The following ALMS1 variants were observed in gnomAD, a reference collection of about 807,000 sequenced individuals.
The protein encoded by ALMS1 is ALMS1 centrosome and basal body associated protein.
In ALMS1, 271 loss-of-function variants were observed where a neutral mutation model predicts 352.2. That is an observed-to-expected ratio of 0.77 (90% CI 0.70 to 0.85). The LOEUF (loss-of-function observed/expected upper bound fraction) is 0.85. ALMS1 is among the 40% of genes least tolerant of loss of function. The pLI is 0.00. For synonymous variants in ALMS1, 1,865 were observed against 1,761.2 expected (o/e 1.06, Z -1.48); for missense variants, 5,445 against 4,870.7 (o/e 1.12, Z -3.51).
chr2:73,580,003 A>G (rs1008462617), intron 16 of ALMS1, among the ~76,000 whole-genome samples: 11 of 152,096 alleles, frequency 7.2e-5, no homozygotes, highest in Admixed American at 6.6e-5. Flanking sequence ...TGGGATTCCT[A>G]ATATGCATCT....
chr2:73,401,820 C>G (rs903370720), intron 1 of ALMS1, among the ~76,000 whole-genome samples: 6 of 152,038 alleles, frequency 3.9e-5, no homozygotes, highest in African/African-American at 1.5e-4. Context: ...ACTTTGAATC[C>G]TCTGACCTGC....
At chr2:73,385,780 G>C (rs1489450314), upstream of ALMS1, 15 of 618,500 alleles carry the variant, frequency 2.4e-5, no homozygotes, top group Middle Eastern at 4.2e-4. Context: ...CTGCGCCTAA[G>C]CTGGGCCACA....
In ALMS1 at chr2:73,529,272, G is replaced by A. The variant is rs566542255; in HGVS notation, c.9782-5552G>A. On this transcript the variant is annotated intron_variant, in intron 11 of 22. Transcript: ENST00000613296. Reference sequence around the variant, plus strand: ...TTGGCCAAGCTGGTCTTGAACTCCCGACCTCAGGTGATCTGCCCACCTCGG... The same window carrying A: ...TTGGCCAAGCTGGTCTTGAACTCCCAACCTCAGGTGATCTGCCCACCTCGG... 3.9e-5 allele frequency among the ~76,000 whole-genome samples: 6 copies of A among 152,164 alleles called. No individual in the cohort carries two copies. The South Asian group carries it at 1.2e-3, about 32-fold the overall frequency.
At position 73,590,676 on chromosome 2, in the gene ALMS1, A is replaced by G. The variant is rs943587298; in HGVS notation, c.11548-8725A>G. Among the ~76,000 whole-genome samples the G allele has an allele frequency of 5.3e-4, 56 of 104,896 alleles. No individual in the cohort carries two copies. In the South Asian group the frequency reaches 0.017, roughly 32 times the overall value. The allele number at this position is 104,896 out of a possible 152,430, so 68.8% of individuals were successfully genotyped here. On this transcript the variant is annotated intron_variant, in intron 16 of 22. Transcript: ENST00000613296. ...CTGTTTTTTTAAATTCTGTTTTATT[A>G]CTTTTTTTTTTTTTTTTTTTTTTGA...
chr2:73,543,094 G>C (rs948085084), intron 12 of ALMS1, among the ~76,000 whole-genome samples: 7 of 152,140 alleles, frequency 4.6e-5, no homozygotes, highest in East Asian at 1.9e-4. Context: ...CTGGAGGCAT[G>C]ACGCTACCTG....
chr2:73,497,267 T>C (rs75754722), intron 10 of ALMS1, among the ~76,000 whole-genome samples: 1,698 of 152,228 alleles, frequency 0.011, 32 homozygotes, highest in African/African-American at 0.038. Flanking sequence ...TGATTATGCT[T>C]CTAGATATGG....
At position 73,471,920 on chromosome 2, in the gene ALMS1, C is replaced by T. The variant is rs1004286225; in HGVS notation, c.7674+16625C>T. 2.4e-4 allele frequency among the ~76,000 whole-genome samples: 37 copies of T among 151,942 alleles called. 2 individuals are homozygous for T. Among genetic ancestry groups the T allele is most frequent in the Admixed American group, 2.4e-3 (36 of 15,218 alleles). On this transcript the variant is annotated intron_variant, in intron 9 of 22. Transcript: ENST00000613296. ...ATCCCATGTTCACAATAGCATTAAT[C>T]ACAGTAGCCAAGATATATAAACAAG...
At chr2:73,587,019 ATTTG>A (rs1231514093) in intron 16 of ALMS1, among the ~76,000 whole-genome samples, 3 of 149,674 alleles carry the variant, frequency 2.0e-5, no homozygotes, top group Non-Finnish European at 3.0e-5. Context: ...TTGTTTGTTT[ATTTG>A]TTTGTTTTGC....
chr2:73,460,756 C>T (rs976447883), intron 9 of ALMS1, among the ~76,000 whole-genome samples: 2 of 152,212 alleles, frequency 1.3e-5, no homozygotes, highest in African/African-American at 2.4e-5. Flanking sequence ...TGCGCTTTTC[C>T]GACGGGCTTA....
rs558923755 is a variant in ALMS1, at chr2:73,386,290, G to T, written c.324+98G>T. ...CGCCCGCAGGTCACGCCGCCTGACG[G>T]AGAAAACGCGCGCAGCTGAGGCTAG... is the stretch of plus-strand genomic sequence containing the variant. On this transcript the variant is annotated intron_variant, in intron 1 of 22. Coordinates refer to ENST00000613296, the MANE Select transcript of ALMS1 (RefSeq NM_001378454.1). 1.0e-5 allele frequency: 14 copies of T among 1,403,508 alleles called. No individual in the cohort carries two copies. In the African/African-American group the frequency reaches 1.7e-4, roughly 17 times the overall value. The allele number at this position is 1,403,508 out of a possible 1,614,324, so 86.9% of individuals were successfully genotyped here. A position where few individuals can be genotyped will look rare whatever the true frequency, so the allele number is the denominator to read the frequency against.
intron 10 of ALMS1, among the ~76,000 whole-genome samples, chr2:73,511,018 AT>A (rs1558675743): frequency 6.6e-6 from 1 of 152,180 alleles, no homozygotes; most frequent in Non-Finnish European, 1.5e-5. Flanking sequence ...AGCCTCAGTA[AT>A]GGTGGATGCC....
rs563877604 is a variant in ALMS1 at position 73,600,122 on chromosome 2, AAAAG to A, written c.11669-547_11669-544del. 2.7e-3 allele frequency among the ~76,000 whole-genome samples: 408 copies of A among 152,258 alleles called. 2 individuals carry two copies. Among genetic ancestry groups the A allele is most frequent in the Non-Finnish European group, 4.6e-3 (316 of 68,008 alleles). On this transcript the variant is annotated intron_variant, in intron 17 of 22. Transcript: ENST00000613296. ...TACTACAATATGAATTTTTTTTAATAAAAGAAAGAAAGGAGGGAAGAGAATTGCT... is the reference window on the plus strand; with the variant it reads ...TACTACAATATGAATTTTTTTTAATAAAAGAAAGGAGGGAAGAGAATTGCT...
intron 9 of ALMS1, among the ~76,000 whole-genome samples, chr2:73,467,122 TAAAAG>T (rs995950639): frequency 2.0e-5 from 3 of 147,970 alleles, no homozygotes; most frequent in African/African-American, 7.5e-5. Context: ...ATACACTTCA[TAAAAG>T]AAAGGATTGC....
intron 15 of ALMS1, among the ~76,000 whole-genome samples, chr2:73,571,918 AC>A (rs1452978466): frequency 6.6e-6 from 1 of 152,086 alleles, no homozygotes; most frequent in Non-Finnish European, 1.5e-5. Context: ...TAAAAAAAAA[AC>A]AGATGCAGAG....
At chr2:73,399,936 GTTTTTTTTTTT>G (rs1382540969) in intron 1 of ALMS1, among the ~76,000 whole-genome samples, 2 of 119,144 alleles carry the variant, frequency 1.7e-5, no homozygotes, top group African/African-American at 6.4e-5. Flanking sequence ...TATATTAATT[GTTTTTTTTTTT>G]TTTTTTTTGA....
chr2:73,605,410 A>C (rs1295529414), intron 21 of ALMS1, among the ~76,000 whole-genome samples: 2 of 152,236 alleles, frequency 1.3e-5, no homozygotes, highest in Non-Finnish European at 2.9e-5. Flanking sequence ...TTTCCAAATG[A>C]TTGTTGCTTT....
intron 1 of ALMS1, among the ~76,000 whole-genome samples, chr2:73,395,074 ATATATTTT>A (rs1670732540): frequency 3.9e-5 from 4 of 101,268 alleles, no homozygotes; most frequent in Admixed American, 9.9e-5. Context: ...ATATATATAT[ATATATTTT>A]TTTTTTTTTT....
intron 15 of ALMS1, among the ~76,000 whole-genome samples, chr2:73,567,268 C>T (rs1225533099): frequency 6.6e-6 from 1 of 152,226 alleles, no homozygotes; most frequent in Non-Finnish European, 1.5e-5. Flanking sequence ...TTAATGTAAA[C>T]TCAAGTGCAA....
Position 73,450,353 on chromosome 2 carries a change from A to T in ALMS1, c.3826A>T (p.Thr1276Ser). The stretch of plus-strand genomic sequence containing the variant: ...TGCCTCTGAACCAGTTGACCAGACA[A>T]CTGGCACACCAGCTGTAACCTCTAC... Reference protein sequence around the residue: ...SVASEPVDQTTGTPAVTSTSY... With the variant: ...SVASEPVDQTSGTPAVTSTSY... The change falls in exon 8 of 23, where the codon ACT (threonine) becomes TCT (serine). Residue 1276 changes from threonine (T) to serine (S), a missense_variant. Coordinates refer to ENST00000613296, the MANE Select transcript of ALMS1 (RefSeq NM_001378454.1). 2 of 1,613,244 alleles carry T rather than the reference A, an allele frequency of 1.2e-6. No homozygotes were observed. Among genetic ancestry groups the T allele is most frequent in the Non-Finnish European group, 1.7e-6 (2 of 1,179,798 alleles).
Sources: gnomAD v4.1 joint callset for allele counts (sites outside exome capture counted in the v4.1 genomes callset) on GRCh38, gnomAD v4.1.1 for gene constraint, MANE v1.5 for transcripts, NCBI Gene and HGNC (gene_info 2026-07-23, HGNC 2026-07-21) for gene names.